Variants in KLF12 observed in about 807,000 individuals in gnomAD.
KLF12 encodes the protein KLF transcription factor 12, also known as Krueppel-like factor 12.
KLF12 carries 9 observed loss-of-function variants against 37.8 expected under a neutral mutation model. That is an observed-to-expected ratio of 0.24 (90% CI 0.14 to 0.42). The LOEUF (loss-of-function observed/expected upper bound fraction) is 0.42, where lower values mean the gene tolerates loss of function less well. Among genes scored for constraint, KLF12 ranks in the 10% least tolerant of loss-of-function variants. The pLI, the probability that KLF12 is intolerant of heterozygous loss-of-function variation, is 1.00. For synonymous variants in KLF12, 208 were observed against 202.1 expected (o/e 1.03, Z -0.25); for missense variants, 411 against 516.0 (o/e 0.80, Z 1.97).
At chr13:74,062,577 TA>T (rs944136784) in intron 1 of KLF12, among the ~76,000 whole-genome samples, 3 of 152,194 alleles carry the variant, frequency 2.0e-5, no homozygotes, top group Non-Finnish European at 2.9e-5. Context: ...CTTAAGGGCT[TA>T]AAAATGCAAT....
chr13:74,048,910 G>A (rs1056776017), intron 1 of KLF12, among the ~76,000 whole-genome samples: 3 of 152,148 alleles, frequency 2.0e-5, no homozygotes, highest in Non-Finnish European at 2.9e-5. Flanking sequence ...CTGGAAAGCC[G>A]AATGAGGGAG....
Position 74,058,388 on chromosome 13 carries a change from G to C in KLF12, c.-31-63335C>G, listed in dbSNP as rs1301742597. Among the ~76,000 whole-genome samples, 8 of 112,220 alleles carry C rather than the reference G, an allele frequency of 7.1e-5. No homozygotes were observed. In the Admixed American group the frequency reaches 7.1e-4, roughly 10 times the overall value. 73.6% of individuals were successfully genotyped at this position (112,220 alleles called of 152,430 possible). On this transcript the variant is annotated intron_variant, in intron 1 of 7. Coordinates refer to ENST00000377669, the MANE Select transcript of KLF12 (RefSeq NM_007249.5). The stretch of plus-strand genomic sequence containing the variant: ...TTTTTTTTTTTTGAGACAGAGTCTC[G>C]CTCTGTCACCCAGGCTGGAGTGCAG...
At chr13:74,030,510 C>T (rs1893086960) in intron 1 of KLF12, among the ~76,000 whole-genome samples, 1 of 151,998 alleles carries the variant, frequency 6.6e-6, no homozygotes, top group Non-Finnish European at 1.5e-5. Context: ...TTTCTAAATA[C>T]CTAGATGAAG....
chr13:74,055,201 C>A (rs1170557170), intron 1 of KLF12, among the ~76,000 whole-genome samples: 1 of 152,156 alleles, frequency 6.6e-6, no homozygotes, highest in African/African-American at 2.4e-5. Flanking sequence ...TCAAATTCTG[C>A]CCTTTACTCT....
intron 3 of KLF12, among the ~76,000 whole-genome samples, chr13:73,871,992 A>G (rs1423837325): frequency 6.6e-6 from 1 of 152,134 alleles, no homozygotes; most frequent in African/African-American, 2.4e-5. Context: ...GTTTTTGTGG[A>G]GTTCGTGGAA....
At chr13:73,850,426 T>C (rs1192533562) in intron 3 of KLF12, among the ~76,000 whole-genome samples, 1 of 152,208 alleles carries the variant, frequency 6.6e-6, no homozygotes. Flanking sequence ...CCCAGAGTAC[T>C]AGATGTGTTT....
At chr13:74,179,406 C>T in the KLF12 span, among the ~76,000 whole-genome samples, 1 of 152,162 alleles carries the variant, frequency 6.6e-6, no homozygotes, top group Non-Finnish European at 1.5e-5. Flanking sequence ...GGAAGATGCT[C>T]TTACTTATAT....
rs372699723 is a variant in KLF12 at position 74,083,541 on chromosome 13, A to C, written c.-32+50198T>G. ...ACACACACACACACACACACACACA[A>C]ACATTTAATACATTCTCATGTACAA... On this transcript the variant is annotated intron_variant, in intron 1 of 7. Coordinates refer to ENST00000377669, the MANE Select transcript of KLF12 (RefSeq NM_007249.5). Among the ~76,000 whole-genome samples, 34 of 124,996 alleles carry C rather than the reference A, an allele frequency of 2.7e-4. No homozygotes were observed. In the East Asian group the frequency reaches 4.1e-3, roughly 15 times the overall value. The allele number at this position is 124,996 out of a possible 152,430, so 82.0% of individuals were successfully genotyped here. A position where few individuals can be genotyped will look rare whatever the true frequency, so the allele number is the denominator to read the frequency against.
chr13:74,304,496 G>C, the KLF12 span, among the ~76,000 whole-genome samples: 1 of 152,094 alleles, frequency 6.6e-6, no homozygotes, highest in Admixed American at 6.6e-5. Context: ...ATGAAAATTT[G>C]TGGGTAAAAA....
intron 1 of KLF12, among the ~76,000 whole-genome samples, chr13:74,124,235 T>C (rs1012380121): frequency 2.6e-5 from 4 of 152,224 alleles, no homozygotes; most frequent in Admixed American, 6.5e-5. Context: ...TGTATTCATA[T>C]CTAAAGCAGA....
chr13:73,988,550 T>C (rs546574826), intron 2 of KLF12, among the ~76,000 whole-genome samples: 2 of 152,288 alleles, frequency 1.3e-5, no homozygotes, highest in East Asian at 3.9e-4. Flanking sequence ...AGTGAACCAA[T>C]AACATATGCC....
At chr13:74,034,064 TTTTG>T (rs1413958083) in intron 1 of KLF12, among the ~76,000 whole-genome samples, 1 of 152,004 alleles carries the variant, frequency 6.6e-6, no homozygotes, top group Non-Finnish European at 1.5e-5. Flanking sequence ...TTTTGTTTTG[TTTTG>T]TTTTTGTTTT....
At chr13:74,179,114 G>C in the KLF12 span, among the ~76,000 whole-genome samples, 2 of 152,122 alleles carry the variant, frequency 1.3e-5, no homozygotes, top group Non-Finnish European at 2.9e-5. Flanking sequence ...TATAGGCTGC[G>C]AGCCTGGACC....
intron 1 of KLF12, among the ~76,000 whole-genome samples, chr13:74,042,248 G>A (rs188930802): frequency 2.3e-4 from 34 of 149,014 alleles, no homozygotes; most frequent in Non-Finnish European, 4.3e-4. Context: ...ATGTTGCAGT[G>A]AGCTGAGATA....
chr13:74,116,877 C>T (rs1877335086), intron 1 of KLF12, among the ~76,000 whole-genome samples: 1 of 152,016 alleles, frequency 6.6e-6, no homozygotes, highest in African/African-American at 2.4e-5. Context: ...TCCCTAATAT[C>T]CCACCATACC....
intron 1 of KLF12, among the ~76,000 whole-genome samples, chr13:73,998,687 T>C (rs1892187655): frequency 6.6e-6 from 1 of 152,234 alleles, no homozygotes; most frequent in East Asian, 1.9e-4. Context: ...TGTGATGTTA[T>C]GTAACAGGTC....
chr13:73,943,680 C>T (rs912846190), intron 3 of KLF12, among the ~76,000 whole-genome samples: 2 of 152,184 alleles, frequency 1.3e-5, no homozygotes, highest in Non-Finnish European at 2.9e-5. Context: ...AATACTTCCT[C>T]TTTGCTTTGG....
the KLF12 span, among the ~76,000 whole-genome samples, chr13:74,264,263 A>C: frequency 3.3e-5 from 5 of 152,248 alleles, no homozygotes; most frequent in Non-Finnish European, 4.4e-5. Flanking sequence ...GGATAAAAAA[A>C]GAATGACAAG....
At chr13:73,963,650 G>A (rs904871982) in intron 2 of KLF12, among the ~76,000 whole-genome samples, 7 of 152,036 alleles carry the variant, frequency 4.6e-5, no homozygotes, top group Non-Finnish European at 1.0e-4. Flanking sequence ...GAAAAGTTTC[G>A]TATATAATTT....
Sources: gnomAD v4.1 joint callset for allele counts (sites outside exome capture counted in the v4.1 genomes callset) on GRCh38, gnomAD v4.1.1 for gene constraint, MANE v1.5 for transcripts, NCBI Gene and HGNC (gene_info 2026-07-23, HGNC 2026-07-21) for gene names.